The following DACH2 variants were observed in gnomAD, a reference collection of about 807,000 sequenced individuals.
The protein encoded by DACH2 is dachshund family transcription factor 2.
A neutral mutation model predicts 35.8 loss-of-function variants in DACH2; 17 were observed. The observed-to-expected ratio is 0.48, with a 90% confidence interval of 0.33 to 0.71. The LOEUF (loss-of-function observed/expected upper bound fraction) is 0.71. DACH2 is among the 30% of genes least tolerant of loss of function. DACH2 has a pLI of 0.02. For missense variants in DACH2, 469 were observed against 472.7 expected, an observed-to-expected ratio of 0.99 and a Z score of 0.07; for synonymous variants, 195 against 177.3, an observed-to-expected ratio of 1.10 and a Z score of -0.79.
chrX:86,821,802 C>A (rs2042515615), intron 11 of DACH2, among the ~76,000 whole-genome samples: 2 of 111,553 alleles, frequency 1.8e-5, no homozygotes, highest in Admixed American at 1.9e-4. Context: ...ATCTCATATA[C>A]AGATCAAAGA....
intron 1 of DACH2, among the ~76,000 whole-genome samples, chrX:86,314,093 TC>T (rs2034851535): frequency 9.1e-6 from 1 of 110,002 alleles, no homozygotes; most frequent in Non-Finnish European, 1.9e-5. Context: ...TCTTAATCTC[TC>T]TCCCTCTCCT....
intron 3 of DACH2, among the ~76,000 whole-genome samples, chrX:86,641,197 T>C (rs2040342399): frequency 9.0e-6 from 1 of 111,506 alleles, no homozygotes; most frequent in Non-Finnish European, 1.9e-5. Flanking sequence ...CCCAGGACAA[T>C]ATGAATCACA....
chrX:86,398,105 G>A (rs757131621), intron 2 of DACH2, among the ~76,000 whole-genome samples: 1 of 111,845 alleles, frequency 8.9e-6, no homozygotes, highest in African/African-American at 3.3e-5. Context: ...CTTCTTCCTG[G>A]TTTAGTCTTC....
chrX:86,795,000 T>C (rs1030254146), intron 7 of DACH2, among the ~76,000 whole-genome samples: 3 of 110,932 alleles, frequency 2.7e-5, no homozygotes, highest in Non-Finnish European at 3.8e-5. Flanking sequence ...AGATCAAATA[T>C]CTTGTCATTA....
chrX:86,356,766 G>T (rs960897649), intron 1 of DACH2, among the ~76,000 whole-genome samples: 2 of 111,351 alleles, frequency 1.8e-5, no homozygotes, highest in Non-Finnish European at 3.8e-5. Context: ...TATATGAGTT[G>T]AAAATATTTT....
intron 7 of DACH2, among the ~76,000 whole-genome samples, chrX:86,782,135 AT>A (rs1226129688): frequency 8.9e-6 from 1 of 112,055 alleles, no homozygotes; most frequent in East Asian, 2.8e-4. Context: ...AACCACAAAA[AT>A]GAAAGATTTG....
chrX:86,222,137 T>G (rs2032726303), intron 1 of DACH2, among the ~76,000 whole-genome samples: 1 of 112,280 alleles, frequency 8.9e-6, no homozygotes, highest in South Asian at 3.6e-4. Context: ...CACGATTTAG[T>G]CTATAGTGCC....
At chrX:86,576,650 A>T (rs924474621) in intron 3 of DACH2, among the ~76,000 whole-genome samples, 7 of 111,008 alleles carry the variant, frequency 6.3e-5, no homozygotes, top group African/African-American at 2.3e-4. Context: ...ATTATTATAC[A>T]CCATAGTTTG....
intron 1 of DACH2, among the ~76,000 whole-genome samples, chrX:86,292,183 T>C (rs1221241485): frequency 1.2e-5 from 1 of 82,955 alleles, no homozygotes; most frequent in East Asian, 4.0e-4. Flanking sequence ...AATTTATCCA[T>C]TTCTTCTAGA....
At chrX:86,221,730 T>G (rs1036822582) in intron 1 of DACH2, among the ~76,000 whole-genome samples, 5 of 112,169 alleles carry the variant, frequency 4.5e-5, no homozygotes, top group African/African-American at 1.6e-4. Context: ...GGTAGATCCA[T>G]AAAGCCAGGC....
At chrX:86,318,902 G>A (rs2034965392) in intron 1 of DACH2, among the ~76,000 whole-genome samples, 1 of 111,855 alleles carries the variant, frequency 8.9e-6, no homozygotes, top group Admixed American at 9.5e-5. Context: ...TCAAAAATTT[G>A]AAAAAGCAAA....
intron 11 of DACH2, chrX:86,831,876 C>T: frequency 2.8e-6 from 1 of 353,888 alleles, no homozygotes. Context: ...TCTTCAATGT[C>T]TCCGGTGCTG....
intron 3 of DACH2, among the ~76,000 whole-genome samples, chrX:86,540,006 G>A (rs904339278): frequency 9.0e-6 from 1 of 111,359 alleles, no homozygotes; most frequent in African/African-American, 3.3e-5. Context: ...TTAAAAGTGT[G>A]AATGATTGCA....
chrX:86,503,026 C>T (rs1184472991), intron 2 of DACH2, among the ~76,000 whole-genome samples: 1 of 111,739 alleles, frequency 8.9e-6, no homozygotes, highest in Non-Finnish European at 1.9e-5. Flanking sequence ...TATAGTAATA[C>T]TAATATAAGA....
At chrX:86,163,874 G>A (rs947110007) in intron 1 of DACH2, among the ~76,000 whole-genome samples, 3 of 111,040 alleles carry the variant, frequency 2.7e-5, no homozygotes, top group Non-Finnish European at 3.8e-5. Context: ...TGTGAATAGC[G>A]CTGCAATGAA....
chrX:86,482,907 G>A (rs1417628664), intron 2 of DACH2, among the ~76,000 whole-genome samples: 2 of 99,086 alleles, frequency 2.0e-5, no homozygotes, highest in Non-Finnish European at 4.0e-5. Flanking sequence ...ACCAAACACT[G>A]CATATTCTCA....
chrX:86,561,734 A>T (rs1165338761), intron 3 of DACH2, among the ~76,000 whole-genome samples: 1 of 50,092 alleles, frequency 2.0e-5, no homozygotes, highest in African/African-American at 8.4e-5. Flanking sequence ...GGAATATCAC[A>T]CTCTGGGGAC....
At chrX:86,572,167 C>T (rs1208446300) in intron 3 of DACH2, among the ~76,000 whole-genome samples, 1 of 110,872 alleles carries the variant, frequency 9.0e-6, no homozygotes, top group Non-Finnish European at 1.9e-5. Flanking sequence ...GGGTGCAGCA[C>T]ACCAACACGG....
In DACH2 at chrX:86,326,471, A is replaced by G. The variant is rs149916447; in HGVS notation, c.489-50353A>G. Among the ~76,000 whole-genome samples the G allele has an allele frequency of 5.6e-3, 567 of 102,096 alleles. 4 individuals carry two copies. Among genetic ancestry groups the G allele is most frequent in the Middle Eastern group, 9.8e-3 (2 of 205 alleles). The allele number at this position is 102,096 out of a possible 115,157, so 88.7% of individuals were successfully genotyped here. A position where few individuals can be genotyped will look rare whatever the true frequency, so the allele number is the denominator to read the frequency against. On this transcript the variant is annotated intron_variant, in intron 1 of 11. Transcript: ENST00000373125. ...GATGGAGTGAGTGAGACTCTGTAAA[A>G]GTTAAAAAATTATACATACACACAC...
Sources: allele counts gnomAD v4.1 joint callset (sites outside exome capture counted in the v4.1 genomes callset), GRCh38; gene constraint gnomAD v4.1.1; transcripts MANE v1.5; gene names NCBI Gene and HGNC (gene_info 2026-07-23, HGNC 2026-07-21).